Variants in LRFN5 observed in about 807,000 individuals in gnomAD.
LRFN5 encodes leucine rich repeat and fibronectin type III domain containing 5.
A neutral mutation model predicts 45.6 loss-of-function variants in LRFN5; 24 were observed. The observed-to-expected ratio is 0.53, with a 90% confidence interval of 0.38 to 0.74. The LOEUF is 0.74. LRFN5 is among the 30% of genes least tolerant of loss of function. LRFN5 has a pLI of 0.00. For synonymous variants in LRFN5, 340 were observed against 313.8 expected (o/e 1.08, Z -0.88); for missense variants, 776 against 861.5 (o/e 0.90, Z 1.24).
intron 1 of LRFN5, among the ~76,000 whole-genome samples, chr14:41,743,597 T>G (rs773379372): frequency 4.6e-5 from 7 of 152,192 alleles, no homozygotes; most frequent in Non-Finnish European, 8.8e-5. Flanking sequence ...AGGAATAAAC[T>G]TCAGTGTTGT....
chr14:41,815,103 G>C (rs1233939572), intron 2 of LRFN5, among the ~76,000 whole-genome samples: 1 of 152,098 alleles, frequency 6.6e-6, no homozygotes, highest in Non-Finnish European at 1.5e-5. Context: ...CTGATTTTCT[G>C]CCTTCTGGAT....
At chr14:41,865,255 A>G (rs927068495) in intron 2 of LRFN5, among the ~76,000 whole-genome samples, 1 of 152,084 alleles carries the variant, frequency 6.6e-6, no homozygotes, top group Non-Finnish European at 1.5e-5. Flanking sequence ...AACTCCATAT[A>G]ACCACCACTC....
intron 1 of LRFN5, among the ~76,000 whole-genome samples, chr14:41,718,317 A>G (rs941028370): frequency 6.6e-6 from 1 of 152,166 alleles, no homozygotes; most frequent in African/African-American, 2.4e-5. Flanking sequence ...TCCGTCTTGC[A>G]ATTTAAAATA....
chr14:41,712,494 G>C (rs1883327334), intron 1 of LRFN5, among the ~76,000 whole-genome samples: 1 of 152,082 alleles, frequency 6.6e-6, no homozygotes, highest in Non-Finnish European at 1.5e-5. Flanking sequence ...TTGATCCACA[G>C]ATTAAATGTC....
intron 2 of LRFN5, among the ~76,000 whole-genome samples, chr14:41,867,853 AT>A (rs11420346): frequency 1.3e-5 from 2 of 151,492 alleles, no homozygotes; most frequent in Non-Finnish European, 2.9e-5. Flanking sequence ...AACTGGGAAT[AT>A]TTTTTTCATT....
chr14:41,833,568 C>T (rs1566472538), intron 2 of LRFN5, among the ~76,000 whole-genome samples: 1 of 152,174 alleles, frequency 6.6e-6, no homozygotes, highest in Non-Finnish European at 1.5e-5. Flanking sequence ...GCAGAGTTTC[C>T]TTCGTCATTG....
intron 4 of LRFN5, among the ~76,000 whole-genome samples, chr14:41,896,723 T>G (rs994119991): frequency 6.6e-6 from 1 of 152,172 alleles, no homozygotes; most frequent in African/African-American, 2.4e-5. Context: ...TTCACATCTT[T>G]ATTATTTGTT....
chr14:41,644,232 A>G (rs1380167471), intron 1 of LRFN5, among the ~76,000 whole-genome samples: 1 of 152,192 alleles, frequency 6.6e-6, no homozygotes, highest in African/African-American at 2.4e-5. Flanking sequence ...TAGATACTTC[A>G]TGTGTGGATC....
chr14:41,725,414 A>G (rs1377948528), intron 1 of LRFN5, among the ~76,000 whole-genome samples: 2 of 152,190 alleles, frequency 1.3e-5, no homozygotes, highest in Non-Finnish European at 2.9e-5. Context: ...TCTGTATATC[A>G]TGTGGTAGTT....
At chr14:41,653,829 C>T (rs894210461) in intron 1 of LRFN5, among the ~76,000 whole-genome samples, 3 of 151,950 alleles carry the variant, frequency 2.0e-5, no homozygotes, top group East Asian at 3.9e-4. Flanking sequence ...GAGAAGTCAT[C>T]GAATTTGGGA....
intron 5 of LRFN5, among the ~76,000 whole-genome samples, chr14:41,899,858 G>A (rs1210480042): frequency 6.6e-6 from 1 of 151,976 alleles, no homozygotes; most frequent in Non-Finnish European, 1.5e-5. Flanking sequence ...CCATTCTTAT[G>A]TTGCAAAAAA....
chr14:41,695,901 A>G (rs1445555708), intron 1 of LRFN5, among the ~76,000 whole-genome samples: 1 of 152,012 alleles, frequency 6.6e-6, no homozygotes, highest in Non-Finnish European at 1.5e-5. Context: ...ACTGTATTTC[A>G]TAAGACTGTT....
chr14:41,644,397 A>T (rs1879716791), intron 1 of LRFN5, among the ~76,000 whole-genome samples: 1 of 152,184 alleles, frequency 6.6e-6, no homozygotes, highest in South Asian at 2.1e-4. Context: ...GCTTTCACTA[A>T]CTGTTTAAAT....
At chr14:41,701,092 A>G (rs916320900) in intron 1 of LRFN5, 1 of 152,150 alleles carries the variant, frequency 6.6e-6, no homozygotes, top group Non-Finnish European at 1.5e-5. Flanking sequence ...GATTGAGTTA[A>G]TACTCATTAT....
chr14:41,684,089 C>G (rs773827262), intron 1 of LRFN5, among the ~76,000 whole-genome samples: 5 of 152,070 alleles, frequency 3.3e-5, no homozygotes, highest in Admixed American at 6.6e-5. Context: ...AGTGCAGAGA[C>G]ATAAAGCAAT....
At chr14:41,653,367 A>G (rs1448125740) in intron 1 of LRFN5, among the ~76,000 whole-genome samples, 1 of 151,998 alleles carries the variant, frequency 6.6e-6, no homozygotes, top group Non-Finnish European at 1.5e-5. Flanking sequence ...TTCAGTTTCA[A>G]TTTTCTGCAT....
chr14:41,697,046 T>C (rs897453262), intron 1 of LRFN5, among the ~76,000 whole-genome samples: 1 of 151,984 alleles, frequency 6.6e-6, no homozygotes, highest in Admixed American at 6.6e-5. Context: ...TTGATATTAG[T>C]AGTATTCTTA....
intron 1 of LRFN5, among the ~76,000 whole-genome samples, chr14:41,723,130 G>T (rs984375719): frequency 1.3e-5 from 2 of 152,164 alleles, no homozygotes; most frequent in Admixed American, 1.3e-4. Context: ...CAGCACGATC[G>T]CTCCACAAGA....
chr14:41,666,244 G>A (rs1880892271), intron 1 of LRFN5, among the ~76,000 whole-genome samples: 1 of 151,764 alleles, frequency 6.6e-6, no homozygotes, highest in Non-Finnish European at 1.5e-5. Context: ...TTTTATTGCA[G>A]CCCTGAAGAG....
Sources: gnomAD v4.1 joint callset for allele counts (sites outside exome capture counted in the v4.1 genomes callset) on GRCh38, gnomAD v4.1.1 for gene constraint, MANE v1.5 for transcripts, NCBI Gene and HGNC (gene_info 2026-07-23, HGNC 2026-07-21) for gene names.